AFF2: variants seen among roughly 807,000 people sequenced by gnomAD.
AFF2 encodes the protein ALF transcription elongation factor 2, also known as AF4/FMR2 family member 2.
A neutral mutation model predicts 76.9 loss-of-function variants in AFF2; 14 were observed. That is an observed-to-expected ratio of 0.18 (90% confidence interval 0.12 to 0.28). AFF2 has a LOEUF of 0.28. AFF2 is among the 10% of genes least tolerant of loss of function. The pLI, the probability that AFF2 is intolerant of heterozygous loss-of-function variation, is 1.00. For missense variants in AFF2, 868 were observed against 1,001.1 expected (o/e 0.87, Z 1.79); for synonymous variants, 398 against 366.7 (o/e 1.09, Z -0.98).
chrX:148,656,761 A>G (rs2124462716), intron 2 of AFF2, among the ~76,000 whole-genome samples: 1 of 110,217 alleles, frequency 9.1e-6, no homozygotes, highest in South Asian at 4.0e-4. Context: ...CGGCCTCCCA[A>G]AGTGCTGGGA....
In AFF2 at chrX:148,955,834, C is replaced by T. The variant is rs782117157; in HGVS notation, c.1789C>T (p.Arg597Cys). ...PLLSLIREKA[R>C]PRPTQKIPET... ...CCTCAGTCTCATTAGGGAGAAAGCC[C>T]GTCCACGGCCCACTCAGAAAATTCC... Residue 597 changes from arginine (R) to cysteine (C), a missense_variant, in exon 11 of 21, where the codon CGT becomes TGT. By Grantham distance (180) the Arg-to-Cys change is radical. This residue lies in a region of AFF2 where 532 missense variants were observed against 564.2 expected (regional missense o/e 0.94). Transcript: ENST00000370460. 5 of 1,209,473 alleles carry T rather than the reference C, an allele frequency of 4.1e-6. No individual in the cohort carries two copies. The highest frequency in any genetic ancestry group is 5.6e-6 in the Non-Finnish European group (5 of 895,137).
intron 9 of AFF2, among the ~76,000 whole-genome samples, chrX:148,926,001 G>T (rs1379092226): frequency 2.7e-5 from 3 of 111,756 alleles, no homozygotes; most frequent in Non-Finnish European, 3.8e-5. Context: ...ACTGCTGTGA[G>T]GATTAAAAAA....
intron 1 of AFF2, among the ~76,000 whole-genome samples, chrX:148,502,026 C>T (rs1557231946): frequency 1.8e-5 from 2 of 111,745 alleles, no homozygotes; most frequent in Non-Finnish European, 3.8e-5. Flanking sequence ...TAGAGATGTG[C>T]GTGCGCGTGT....
At chrX:148,800,283 G>A (rs1557270823) in intron 3 of AFF2, among the ~76,000 whole-genome samples, 2 of 111,651 alleles carry the variant, frequency 1.8e-5, no homozygotes. Context: ...GGAGTATAGA[G>A]AGTCAATAAG....
At chrX:148,913,711 G>A (rs2071496394) in intron 9 of AFF2, among the ~76,000 whole-genome samples, 1 of 111,883 alleles carries the variant, frequency 8.9e-6, no homozygotes, top group South Asian at 3.8e-4. Context: ...ATACTGCCTG[G>A]TCCACGTGTT....
At chrX:148,664,034 A>G (rs190159547) in intron 3 of AFF2, among the ~76,000 whole-genome samples, 152 of 111,060 alleles carry the variant, frequency 1.4e-3, no homozygotes, top group Non-Finnish European at 2.2e-3. Context: ...TGTCATCTCT[A>G]CCCCCACTGC....
At chrX:148,826,420 A>C (rs2070389294) in intron 4 of AFF2, among the ~76,000 whole-genome samples, 2 of 111,573 alleles carry the variant, frequency 1.8e-5, no homozygotes, top group South Asian at 7.6e-4. Flanking sequence ...AAATCCAATA[A>C]TCAGATTGGA....
chrX:148,889,180 T>C (rs1357591182), intron 8 of AFF2, among the ~76,000 whole-genome samples: 1 of 111,382 alleles, frequency 9.0e-6, no homozygotes, highest in Non-Finnish European at 1.9e-5. Flanking sequence ...CAAATACATG[T>C]ATGAAAATGA....
intron 1 of AFF2, among the ~76,000 whole-genome samples, chrX:148,525,985 CAG>C (rs1299013797): frequency 1.8e-5 from 2 of 111,108 alleles, no homozygotes; most frequent in Non-Finnish European, 3.8e-5. Flanking sequence ...AGTCACAGCT[CAG>C]AGAGACACAT....
At chrX:148,764,730 A>T (rs1190723476) in intron 3 of AFF2, among the ~76,000 whole-genome samples, 1 of 112,408 alleles carries the variant, frequency 8.9e-6, no homozygotes, top group Non-Finnish European at 1.9e-5. Context: ...AAGAGTGTGT[A>T]TGACAGTTTC....
chrX:148,521,983 A>G, intron 1 of AFF2, among the ~76,000 whole-genome samples: 1 of 111,929 alleles, frequency 8.9e-6, no homozygotes, highest in East Asian at 2.8e-4. Context: ...GAGAACTTCA[A>G]ATGAAACTTC....
chrX:148,505,955 C>CTGTGTG (rs3838386), intron 1 of AFF2, among the ~76,000 whole-genome samples: 4 of 102,443 alleles, frequency 3.9e-5, no homozygotes, highest in Non-Finnish European at 6.0e-5. Flanking sequence ...GTGTGTGTGT[C>CTGTGTG]TGTGTGTGTG....
rs1603308323 is a variant in AFF2, at chrX:148,833,972, C to T, written c.1087-3675C>T. On this transcript the variant is annotated intron_variant, in intron 4 of 20. Coordinates refer to ENST00000370460, the MANE Select transcript of AFF2 (RefSeq NM_002025.4). ...TTCTGTCCTTCAGCCTGTGGCATAC[C>T]CAGCTTTCGTGTCTAAATTGGGCAA... is the stretch of plus-strand genomic sequence containing the variant. Among the ~76,000 whole-genome samples, 8 of 112,009 alleles carry T rather than the reference C, an allele frequency of 7.1e-5. 3 individuals carry two copies. The Admixed American group carries it at 7.6e-4, about 11-fold the overall frequency.
chrX:148,669,009 G>C, intron 3 of AFF2, among the ~76,000 whole-genome samples: 1 of 111,783 alleles, frequency 8.9e-6, no homozygotes, highest in Non-Finnish European at 1.9e-5. Flanking sequence ...GCCCCCTCTT[G>C]AATGCTTTGC....
intron 7 of AFF2, among the ~76,000 whole-genome samples, chrX:148,847,339 G>A (rs1490343966): frequency 2.7e-5 from 3 of 111,754 alleles, no homozygotes; most frequent in East Asian, 5.6e-4. Context: ...CTTAACTTCA[G>A]TTTTGTGAGG....
chrX:148,919,178 C>T lies in AFF2; in HGVS notation c.1397+14920C>T, dbSNP rs184225974. Among the ~76,000 whole-genome samples, 122 of 111,686 alleles carry T rather than the reference C, an allele frequency of 1.1e-3. 1 individual carries two copies. The highest frequency in any genetic ancestry group is 1.8e-3 in the Non-Finnish European group (97 of 53,145). On this transcript the variant is annotated intron_variant, in intron 9 of 20. Coordinates refer to ENST00000370460, the MANE Select transcript of AFF2 (RefSeq NM_002025.4). The stretch of plus-strand genomic sequence containing the variant: ...GGAAAGTAAAACAATTCCCAAGATT[C>T]GGCACTGACACAAAGCTTTTTAACT...
chrX:148,740,340 G>A (rs1178312265), intron 3 of AFF2, among the ~76,000 whole-genome samples: 9 of 111,279 alleles, frequency 8.1e-5, no homozygotes, highest in African/African-American at 1.6e-4. Context: ...GGCTTTGTTC[G>A]TATTTTCTTA....
chrX:148,751,484 C>T (rs1361870908), intron 3 of AFF2, among the ~76,000 whole-genome samples: 1 of 112,205 alleles, frequency 8.9e-6, no homozygotes, highest in African/African-American at 3.2e-5. Flanking sequence ...TATGCACAAT[C>T]TTATGATGCC....
intron 7 of AFF2, among the ~76,000 whole-genome samples, chrX:148,851,210 G>A (rs782757470): frequency 2.7e-5 from 3 of 111,850 alleles, no homozygotes; most frequent in Non-Finnish European, 5.6e-5. Flanking sequence ...TTACACTGAC[G>A]AGTAGGGAGC....
Sources: allele counts gnomAD v4.1 joint callset (sites outside exome capture counted in the v4.1 genomes callset), GRCh38; gene constraint gnomAD v4.1.1; regional missense constraint gnomAD v4.1.1; transcripts MANE v1.5; gene names NCBI Gene and HGNC (gene_info 2026-07-23, HGNC 2026-07-21).